URB1: variants seen among roughly 807,000 people sequenced by gnomAD.
URB1 encodes nucleolar pre-ribosomal-associated protein 1.
A neutral mutation model predicts 242.3 loss-of-function variants in URB1; 197 were observed. The ratio of observed to expected loss-of-function variants is 0.81; its 90% CI spans 0.72 to 0.91. URB1 has a LOEUF of 0.91. URB1 is among the 40% of genes least tolerant of loss of function. The pLI is 0.00. For synonymous variants in URB1, 1,153 were observed against 1,201.8 expected (o/e 0.96, Z 0.84); for missense variants, 2,721 against 2,860.5 (o/e 0.95, Z 1.11).
At chr21:32,336,833 C>T (rs2032965112) in intron 28 of URB1, among the ~76,000 whole-genome samples, 1 of 152,230 alleles carries the variant, frequency 6.6e-6, no homozygotes, top group Non-Finnish European at 1.5e-5. Context: ...GTCCAGCTGA[C>T]AGTGCACAAC....
chr21:32,360,998 G>C lies in URB1; in HGVS notation c.1756+9C>G, dbSNP rs1267997653. On this transcript the variant is annotated intron_variant, in intron 13 of 38. Coordinates refer to ENST00000382751, the MANE Select transcript of URB1 (RefSeq NM_014825.3). ...AGTGGCGGCTTGTCTGCAAGACCTT[G>C]AAACCCACCTTTCAGGAGCTTGCTG... 1 of 1,540,758 alleles carries C rather than the reference G, an allele frequency of 6.5e-7. No homozygotes were observed. The highest frequency in any genetic ancestry group is 1.2e-5 in the South Asian group (1 of 81,796).
intron 30 of URB1, among the ~76,000 whole-genome samples, chr21:32,326,996 G>A (rs2032837044): frequency 6.6e-6 from 1 of 151,962 alleles, no homozygotes; most frequent in Admixed American, 6.6e-5. Flanking sequence ...AGTGTCCTGT[G>A]GGTATGTGTA....
chr21:32,353,025 A>AG lies in URB1; in HGVS notation c.2417-120dup, dbSNP rs1342917629. Reference sequence around the variant, plus strand: ...CCTGAAAAATTCATGCAACTCCATGAGGGGACACATAACCACAGGGAAGGA... The same window carrying AG: ...CCTGAAAAATTCATGCAACTCCATGAGGGGGACACATAACCACAGGGAAGGA... On this transcript the variant is annotated intron_variant, in intron 18 of 38. Transcript: ENST00000382751. The AG allele has an allele frequency of 4.9e-6, 5 of 1,024,698 alleles. No individual in the cohort carries two copies. The East Asian group carries it at 7.9e-5, about 16-fold the overall frequency. 63.5% of individuals were successfully genotyped at this position (1,024,698 alleles called of 1,614,324 possible).
At chr21:32,378,814 T>G (rs2033489272) in intron 4 of URB1, among the ~76,000 whole-genome samples, 1 of 152,220 alleles carries the variant, frequency 6.6e-6, no homozygotes, top group Non-Finnish European at 1.5e-5. Context: ...AAAATAGTAG[T>G]GTTCCCTTCC....
At chr21:32,380,587 A>ATGCTGGTCC (rs2033512231) in intron 4 of URB1, among the ~76,000 whole-genome samples, 1 of 152,166 alleles carries the variant, frequency 6.6e-6, no homozygotes, top group African/African-American at 2.4e-5. Flanking sequence ...AGAGGGTGCA[A>ATGCTGGTCC]AGTTTACCAA....
chr21:32,355,418 A>G, intron 16 of URB1, 31 bp downstream of exon 16: 4 of 1,531,390 alleles, frequency 2.6e-6, no homozygotes, highest in Non-Finnish European at 3.5e-6. Context: ...ATCTCTGAGC[A>G]TGTTCCTTTA....
At chr21:32,328,521 C>A (rs2032856602) in intron 30 of URB1, among the ~76,000 whole-genome samples, 1 of 152,106 alleles carries the variant, frequency 6.6e-6, no homozygotes, top group South Asian at 2.1e-4. Context: ...AAACTAGATA[C>A]AATTATATTG....
intron 30 of URB1, among the ~76,000 whole-genome samples, chr21:32,328,622 A>G (rs1390947509): frequency 6.6e-6 from 1 of 152,216 alleles, no homozygotes; most frequent in Non-Finnish European, 1.5e-5. Context: ...GGAAAGAGAA[A>G]AGTCTAAACA....
At chr21:32,367,713 G>A (rs11910973) in intron 9 of URB1, among the ~76,000 whole-genome samples, 3,385 of 152,338 alleles carry the variant, frequency 0.022, 121 homozygotes, top group African/African-American at 0.078. Flanking sequence ...TCTAATTGAA[G>A]CAGCAACCTT....
chr21:32,329,499 G>A (rs2032869997), intron 30 of URB1, among the ~76,000 whole-genome samples: 1 of 152,204 alleles, frequency 6.6e-6, no homozygotes, highest in African/African-American at 2.4e-5. Context: ...TGTGGCATGT[G>A]TGAATTATGA....
At chr21:32,389,876 C>G (rs1413714559) in intron 1 of URB1, among the ~76,000 whole-genome samples, 1 of 152,182 alleles carries the variant, frequency 6.6e-6, no homozygotes, top group Non-Finnish European at 1.5e-5. Flanking sequence ...TATCCTCAGT[C>G]CTTACCAATC....
At chr21:32,348,214 A>T (rs947708338) in intron 21 of URB1, among the ~76,000 whole-genome samples, 4 of 152,160 alleles carry the variant, frequency 2.6e-5, no homozygotes, top group African/African-American at 9.7e-5. Flanking sequence ...TGTGAGTAAG[A>T]TCAATCAGCT....
In URB1 at chr21:32,372,644, T is replaced by C; in HGVS notation, c.877-13A>G. On this transcript the variant is annotated splice_polypyrimidine_tract_variant and intron_variant, in intron 7 of 38. Coordinates refer to ENST00000382751, the MANE Select transcript of URB1 (RefSeq NM_014825.3). The stretch of plus-strand genomic sequence containing the variant: ...CTTCGGCAGAAACCTATGAAGATTT[T>C]TTAAAAATTCAATGAAAATCCCAAG... The C allele has an allele frequency of 6.5e-7, 1 of 1,543,700 alleles. No individual in the cohort carries two copies. The highest frequency in any genetic ancestry group is 8.7e-7 in the Non-Finnish European group (1 of 1,144,820).
chr21:32,355,048 T>A, intron 16 of URB1, 51 bp from the exon 17 acceptor site: 3 of 1,503,870 alleles, frequency 2.0e-6, no homozygotes, highest in Admixed American at 2.3e-5. Context: ...ACAGGTGAAA[T>A]GAAGAAGCCA....
At chr21:32,364,521 G>A (rs1324869870) in intron 10 of URB1, among the ~76,000 whole-genome samples, 3 of 152,114 alleles carry the variant, frequency 2.0e-5, no homozygotes, top group Non-Finnish European at 2.9e-5. Context: ...AGTCAGCTGC[G>A]GCTTCACTCT....
At chr21:32,375,364 C>G (rs1049460440) in intron 6 of URB1, 34 bp downstream of exon 6, 2 of 1,355,296 alleles carry the variant, frequency 1.5e-6, no homozygotes, top group Non-Finnish European at 2.0e-6. Flanking sequence ...CAAGGGAAAA[C>G]AGACAACAGA....
chr21:32,322,612 T>C (rs1277006600), intron 32 of URB1, 28 bp from the exon 33 acceptor site: 2 of 1,524,938 alleles, frequency 1.3e-6, no homozygotes, highest in South Asian at 1.2e-5. Context: ...CAGTCAGTCA[T>C]GGCAGGCCCC....
chr21:32,327,814 T>G (rs1003611362), intron 30 of URB1, among the ~76,000 whole-genome samples: 1 of 152,272 alleles, frequency 6.6e-6, no homozygotes, highest in Non-Finnish European at 1.5e-5. Flanking sequence ...TAAACTATAA[T>G]AGATTGAAGA....
At chr21:32,377,547 C>A (rs980786614) in intron 5 of URB1, among the ~76,000 whole-genome samples, 1 of 151,968 alleles carries the variant, frequency 6.6e-6, no homozygotes, top group Admixed American at 6.5e-5. Context: ...AAAAAAAAAT[C>A]TGTCCGCTGC....
Sources: allele counts gnomAD v4.1 joint callset (sites outside exome capture counted in the v4.1 genomes callset), GRCh38; gene constraint gnomAD v4.1.1; transcripts MANE v1.5; gene names NCBI Gene and HGNC (gene_info 2026-07-23, HGNC 2026-07-21).